FBXL17: variants seen among roughly 807,000 people sequenced by gnomAD.
The protein encoded by FBXL17 is F-box and leucine rich repeat protein 17, also known as F-box/LRR-repeat protein 17.
FBXL17 carries 22 observed loss-of-function variants against 66.2 expected under a neutral mutation model. The ratio of observed to expected loss-of-function variants is 0.33; its 90% CI spans 0.24 to 0.47. The LOEUF is 0.47. Ranked by LOEUF, FBXL17 falls within the 20% of genes least tolerant of loss-of-function variation. The pLI is 1.00. For synonymous variants in FBXL17, 474 were observed against 400.5 expected (o/e 1.18, Z -2.19); for missense variants, 878 against 948.2 (o/e 0.93, Z 0.97).
At chr5:108,341,146 A>G (rs1746857847) in intron 4 of FBXL17, among the ~76,000 whole-genome samples, 1 of 152,172 alleles carries the variant, frequency 6.6e-6, no homozygotes, top group African/African-American at 2.4e-5. Flanking sequence ...ATTTATACAT[A>G]TAATAGAATA....
At chr5:108,224,012 G>T in intron 5 of FBXL17, 109 bp downstream of exon 5, 1 of 421,160 alleles carries the variant, frequency 2.4e-6, no homozygotes, top group Non-Finnish European at 4.3e-6. Flanking sequence ...AACATTAGTA[G>T]GCTTCTATAA....
At chr5:108,053,051 G>T (rs1349710340) in intron 6 of FBXL17, among the ~76,000 whole-genome samples, 1 of 152,096 alleles carries the variant, frequency 6.6e-6, no homozygotes, top group Non-Finnish European at 1.5e-5. Flanking sequence ...ATTAACTCAA[G>T]ATGGATTAAA....
chr5:107,981,452 C>T (rs560099123), intron 7 of FBXL17, among the ~76,000 whole-genome samples: 1 of 152,292 alleles, frequency 6.6e-6, no homozygotes, highest in Admixed American at 6.5e-5. Context: ...ACAGATTTTG[C>T]TAGGGGAGTA....
intron 1 of FBXL17, among the ~76,000 whole-genome samples, chr5:108,369,255 A>C (rs1023331514): frequency 1.3e-5 from 2 of 152,200 alleles, no homozygotes; most frequent in Admixed American, 1.3e-4. Context: ...ACCCAAAAGA[A>C]TGCAACCTTT....
chr5:107,987,314 C>A (rs1372589094), intron 7 of FBXL17, among the ~76,000 whole-genome samples: 2 of 150,498 alleles, frequency 1.3e-5, no homozygotes, highest in African/African-American at 4.9e-5. Context: ...TTTTAACCAA[C>A]AATCACCTTT....
chr5:107,986,296 G>C (rs1293630198), intron 7 of FBXL17, among the ~76,000 whole-genome samples: 1 of 151,754 alleles, frequency 6.6e-6, no homozygotes, highest in Non-Finnish European at 1.5e-5. Context: ...TATTCTAATA[G>C]ACTTATTTTG....
At chr5:108,120,770 T>A (rs185985969) in intron 6 of FBXL17, among the ~76,000 whole-genome samples, 1 of 152,056 alleles carries the variant, frequency 6.6e-6, no homozygotes, top group Admixed American at 6.6e-5. Flanking sequence ...GAGTTCGAGG[T>A]TGCAGACAGC....
At chr5:108,300,185 A>C (rs924252357) in intron 4 of FBXL17, among the ~76,000 whole-genome samples, 1 of 152,010 alleles carries the variant, frequency 6.6e-6, no homozygotes, top group Non-Finnish European at 1.5e-5. Flanking sequence ...ATAATTTTCA[A>C]AAGTTTTACT....
At chr5:108,239,285 C>T (rs1372809544) in intron 4 of FBXL17, among the ~76,000 whole-genome samples, 3 of 152,188 alleles carry the variant, frequency 2.0e-5, no homozygotes, top group South Asian at 2.1e-4. Flanking sequence ...AACTTCATAT[C>T]ATCGAAAGAG....
intron 4 of FBXL17, chr5:108,299,108 T>C (rs1580770349): frequency 1.0e-6 from 1 of 978,546 alleles, no homozygotes; most frequent in Non-Finnish European, 1.2e-6. Context: ...GTCTGATTTA[T>C]AACAGCTTTT....
At chr5:107,963,028 AG>A (rs1420774084) in intron 7 of FBXL17, among the ~76,000 whole-genome samples, 52 of 152,162 alleles carry the variant, frequency 3.4e-4, no homozygotes, top group Non-Finnish European at 1.3e-4. Context: ...TTCCCAGTGA[AG>A]GAAAAAAACA....
Position 108,381,437 on chromosome 5 carries a change from C to T in FBXL17, c.255G>A (p.Pro85=). The change falls in exon 1 of 9, where the codon CCG becomes CCA. Residue 85 remains proline, a synonymous_variant. Coordinates refer to ENST00000542267, the MANE Select transcript of FBXL17 (RefSeq NM_001163315.3). ...CGGCAGCGTAGGCCCCGTCCCGCGG[C>T]GGCGGCGAGAGCGGCGGCTCCTCCT... ...GPEEEPPLSP[P]PRDGAYAAAS... The T allele has an allele frequency of 5.3e-6, 7 of 1,315,566 alleles. No individual in the cohort carries two copies. The highest frequency in any genetic ancestry group is 6.7e-6 in the Non-Finnish European group (7 of 1,039,984). 81.5% of individuals were successfully genotyped at this position (1,315,566 alleles called of 1,614,324 possible). A position where few individuals can be genotyped will look rare whatever the true frequency, so the allele number is the denominator to read the frequency against.
chr5:108,298,710 A>C (rs1561514464), intron 4 of FBXL17: 1 of 753,580 alleles, frequency 1.3e-6, no homozygotes, highest in Non-Finnish European at 1.6e-6. Flanking sequence ...AAAGTATCAA[A>C]GTCTTATAAT....
intron 6 of FBXL17, among the ~76,000 whole-genome samples, chr5:108,173,639 C>A (rs2150019169): frequency 6.6e-6 from 1 of 152,244 alleles, no homozygotes; most frequent in African/African-American, 2.4e-5. Flanking sequence ...TTTAATGGGG[C>A]AGGATATGTC....
At chr5:108,236,020 A>T (rs1755585577) in intron 4 of FBXL17, among the ~76,000 whole-genome samples, 1 of 152,238 alleles carries the variant, frequency 6.6e-6, no homozygotes, top group South Asian at 2.1e-4. Context: ...AATCAATAGC[A>T]ATACTTTGAT....
intron 3 of FBXL17, among the ~76,000 whole-genome samples, chr5:108,350,375 A>G (rs374009056): frequency 6.6e-6 from 1 of 152,346 alleles, no homozygotes; most frequent in South Asian, 2.1e-4. Flanking sequence ...GCTGAGAACC[A>G]AAGCACAATG....
At chr5:108,052,728 T>C (rs1747532533) in intron 6 of FBXL17, among the ~76,000 whole-genome samples, 1 of 152,112 alleles carries the variant, frequency 6.6e-6, no homozygotes, top group African/African-American at 2.4e-5. Context: ...AAGAAGACCC[T>C]GTATAGCCAA....
chr5:108,286,660 C>G (rs1449222530), intron 4 of FBXL17, among the ~76,000 whole-genome samples: 1 of 151,838 alleles, frequency 6.6e-6, no homozygotes, highest in African/African-American at 2.4e-5. Context: ...GAAAAACATT[C>G]CATGCTCATA....
At chr5:107,928,549 A>G (rs1214069834) in intron 7 of FBXL17, among the ~76,000 whole-genome samples, 2 of 152,116 alleles carry the variant, frequency 1.3e-5, no homozygotes, top group Non-Finnish European at 2.9e-5. Flanking sequence ...TCAACCTGGT[A>G]ATATTACTTC....
Sources: gnomAD v4.1 joint callset for allele counts (sites outside exome capture counted in the v4.1 genomes callset) on GRCh38, gnomAD v4.1.1 for gene constraint, MANE v1.5 for transcripts, NCBI Gene and HGNC (gene_info 2026-07-23, HGNC 2026-07-21) for gene names.